The following JAKMIP1 variants were observed in gnomAD, a reference collection of about 807,000 sequenced individuals.
The protein encoded by JAKMIP1 is janus kinase and microtubule-interacting protein 1.
A neutral mutation model predicts 113.0 loss-of-function variants in JAKMIP1; 33 were observed. The observed-to-expected ratio is 0.29, with a 90% CI of 0.22 to 0.39. The LOEUF is 0.39. Among genes scored for constraint, JAKMIP1 ranks in the 10% least tolerant of loss-of-function variants. The pLI, the probability that JAKMIP1 is intolerant of heterozygous loss-of-function variation, is 1.00. For missense variants in JAKMIP1, 813 were observed against 1,080.5 expected (o/e 0.75, Z 3.47); for synonymous variants, 480 against 459.9 (o/e 1.04, Z -0.56).
chr4:6,146,209 G>C (rs78735072), intron 1 of JAKMIP1, among the ~76,000 whole-genome samples: 1 of 110,272 alleles, frequency 9.1e-6, no homozygotes, highest in Non-Finnish European at 1.8e-5. Flanking sequence ...ACAGAAAGTC[G>C]AATGATAGCT....
In JAKMIP1 at chr4:6,065,137, G is replaced by T; in HGVS notation, c.1303-129C>A. ...TTGGGCCACTGGGGCATCACAAGAT[G>T]CGGTTGGTGGGCTTCGTAACTGACT... is the stretch of plus-strand genomic sequence containing the variant. On this transcript the variant is annotated intron_variant, in intron 8 of 20. Coordinates refer to ENST00000409021, the MANE Select transcript of JAKMIP1 (RefSeq NM_001099433.2). The surrounding 1 kb of genome is among the most constrained non-coding windows in gnomAD (Gnocchi z 5.1). 8.6e-7 allele frequency: 1 copy of T among 1,161,378 alleles called. No individual in the cohort carries two copies. The highest frequency in any genetic ancestry group is 1.3e-5 in the South Asian group (1 of 75,028). The allele number at this position is 1,161,378 out of a possible 1,614,324, so 71.9% of individuals were successfully genotyped here. A position where few individuals can be genotyped will look rare whatever the true frequency, so the allele number is the denominator to read the frequency against.
rs374012001 is a variant in JAKMIP1, at chr4:6,065,028, T to C, written c.1303-20A>G. 6.8e-6 allele frequency: 11 copies of C among 1,613,998 alleles called. No individual in the cohort carries two copies. In the African/African-American group the frequency reaches 1.3e-4, roughly 20 times the overall value. On this transcript the variant is annotated intron_variant, in intron 8 of 20. Coordinates refer to ENST00000409021, the MANE Select transcript of JAKMIP1 (RefSeq NM_001099433.2). This position sits in a 1 kb window ranked among gnomAD's most constrained non-coding sequence, Gnocchi z 5.1. ...ATGCTTCTGTAAAACGCAATTTGTATGATGTTAGCAACGACTGAGGATTGC... is the reference window on the plus strand; with the variant it reads ...ATGCTTCTGTAAAACGCAATTTGTACGATGTTAGCAACGACTGAGGATTGC...
chr4:6,085,008 T>C, intron 4 of JAKMIP1, 43 bp from the exon 5 acceptor site: 6 of 1,409,274 alleles, frequency 4.3e-6, no homozygotes, highest in Non-Finnish European at 4.6e-6. Flanking sequence ...AAGACGTAAA[T>C]GTACTTTGAA....
chr4:6,081,750 T>C lies in JAKMIP1; in HGVS notation c.960A>G (p.Lys320=). ...LLADERNELL[K]RSRETEVQLK... is the part of the protein sequence containing the mutation. ...GCTGAACCTCGGTCTCTCGTGAGCGTTTCAGCTGTGGTTGGAAACAGACAC... is the reference window on the plus strand; with the variant it reads ...GCTGAACCTCGGTCTCTCGTGAGCGCTTCAGCTGTGGTTGGAAACAGACAC... The change falls in exon 6 of 21, where the codon AAA becomes AAG. Residue 320 remains lysine, a synonymous_variant. Transcript: ENST00000409021. This position sits in a 1 kb window ranked among gnomAD's most constrained non-coding sequence, Gnocchi z 4.6. 1 of 1,614,106 alleles carries C rather than the reference T, an allele frequency of 6.2e-7. No homozygotes were observed.
chr4:6,082,318 T>C (rs947539950), intron 5 of JAKMIP1, among the ~76,000 whole-genome samples: 7 of 151,864 alleles, frequency 4.6e-5, no homozygotes, highest in South Asian at 2.1e-4. Flanking sequence ...ATGGTATAGG[T>C]TGAAATATAA....
rs939055239 is a variant in JAKMIP1 at position 6,116,506 on chromosome 4, G to C, written c.-147-3509C>G. 2.6e-5 allele frequency among the ~76,000 whole-genome samples: 4 copies of C among 152,168 alleles called. No individual in the cohort carries two copies. The highest frequency in any genetic ancestry group is 4.4e-5 in the Non-Finnish European group (3 of 68,024). ...CCTTCCTGAAGGCACGGGGACCTTGGACCTGCTGACCCTGGACCTTGTCTG... is the reference window on the plus strand; with the variant it reads ...CCTTCCTGAAGGCACGGGGACCTTGCACCTGCTGACCCTGGACCTTGTCTG... On this transcript the variant is annotated intron_variant, in intron 1 of 20. Transcript: ENST00000409021. The surrounding 1 kb of genome is among the most constrained non-coding windows in gnomAD (Gnocchi z 5.1).
intron 1 of JAKMIP1, among the ~76,000 whole-genome samples, chr4:6,196,917 C>G (rs1237985066): frequency 2.0e-5 from 3 of 152,016 alleles, no homozygotes; most frequent in Non-Finnish European, 4.4e-5. Flanking sequence ...CTCATGCCAT[C>G]CCTGTTGGAA....
rs544230831 is a variant in JAKMIP1, at chr4:6,031,968, G to T, written c.2380-2187C>A. Among the ~76,000 whole-genome samples, 11 of 152,290 alleles carry T rather than the reference G, an allele frequency of 7.2e-5. No individual in the cohort carries two copies. The South Asian group carries it at 2.3e-3, about 32-fold the overall frequency. ...CTCTCCCACCCGAAGGGAACTGTGTGACCTCAGTCTGGTAGTGGCAGGAGT... is the reference window on the plus strand; with the variant it reads ...CTCTCCCACCCGAAGGGAACTGTGTTACCTCAGTCTGGTAGTGGCAGGAGT... On this transcript the variant is annotated intron_variant, in intron 19 of 20. Transcript: ENST00000409021. The surrounding 1 kb of genome is among the most constrained non-coding windows in gnomAD (Gnocchi z 4.4).
At chr4:6,189,437 AT>A (rs1036617277) in intron 1 of JAKMIP1, among the ~76,000 whole-genome samples, 1 of 152,070 alleles carries the variant, frequency 6.6e-6, no homozygotes, top group Non-Finnish European at 1.5e-5. Context: ...AACAGAGTGA[AT>A]TTTTTTTCAG....
chr4:6,049,810 C>G lies in JAKMIP1; in HGVS notation c.1962+9G>C. 1 of 1,604,442 alleles carries G rather than the reference C, an allele frequency of 6.2e-7. No homozygotes were observed. The highest frequency in any genetic ancestry group is 1.1e-5 in the South Asian group (1 of 90,806). ...AACACGAAAGCAGAAACCGATCGCT[C>G]ATAGTTACCCCGTTATCGCCAAGGA... On this transcript the variant is annotated intron_variant, in intron 15 of 20. Transcript: ENST00000409021. The surrounding 1 kb of genome is among the most constrained non-coding windows in gnomAD (Gnocchi z 7.0).
rs1192051508 is a variant in JAKMIP1 at position 6,086,345 on chromosome 4, G to A, written c.625-716C>T. On this transcript the variant is annotated intron_variant, in intron 3 of 20. Coordinates refer to ENST00000409021, the MANE Select transcript of JAKMIP1 (RefSeq NM_001099433.2). This position sits in a 1 kb window ranked among gnomAD's most constrained non-coding sequence, Gnocchi z 4.1. ...CGGTATCAACCCCACATATGCAGCA[G>A]ATCTTAAACACATGCCTCAGCCCTG... is the stretch of plus-strand genomic sequence containing the variant. Among the ~76,000 whole-genome samples the A allele has an allele frequency of 6.6e-6, 1 of 151,796 alleles. No homozygotes were observed. The highest frequency in any genetic ancestry group is 1.9e-4 in the East Asian group (1 of 5,144).
At chr4:6,148,146 G>A (rs1210543638) in intron 1 of JAKMIP1, among the ~76,000 whole-genome samples, 2 of 152,246 alleles carry the variant, frequency 1.3e-5, no homozygotes. Context: ...TTCTGAAGAT[G>A]TCCTGGGTTG....
At position 6,055,601 on chromosome 4, in the gene JAKMIP1, C is replaced by T. The variant is rs148003928; in HGVS notation, c.1707+1096G>A. Among the ~76,000 whole-genome samples, 1,422 of 152,314 alleles carry T rather than the reference C, an allele frequency of 9.3e-3. 22 individuals carry two copies. The highest frequency in any genetic ancestry group is 0.029 in the African/African-American group (1,197 of 41,568). On this transcript the variant is annotated intron_variant, in intron 12 of 20. Coordinates refer to ENST00000409021, the MANE Select transcript of JAKMIP1 (RefSeq NM_001099433.2). ...TGAAGGGCTCTGGACCATAAAGCCA[C>T]AGCAGAGGCGGCCTGGAGCCCAGTG...
chr4:6,161,466 C>T (rs1475042629), intron 1 of JAKMIP1, among the ~76,000 whole-genome samples: 3 of 152,148 alleles, frequency 2.0e-5, no homozygotes, highest in Admixed American at 6.5e-5. Context: ...GAGAGCCACA[C>T]CCGCCTGAAC....
At position 6,064,817 on chromosome 4, in the gene JAKMIP1, G is replaced by T. The variant is rs965744454; in HGVS notation, c.1431+63C>A. Reference sequence around the variant, plus strand: ...GGAGCGAAACTTGCAACTATCAAAAGCAGGAGGTGCCGCCCCGAGAGCATC... The same window carrying T: ...GGAGCGAAACTTGCAACTATCAAAATCAGGAGGTGCCGCCCCGAGAGCATC... On this transcript the variant is annotated intron_variant, in intron 9 of 20. Transcript: ENST00000409021. The surrounding 1 kb of genome is among the most constrained non-coding windows in gnomAD (Gnocchi z 4.3). 1.2e-6 allele frequency: 2 copies of T among 1,606,314 alleles called. No individual in the cohort carries two copies. The highest frequency in any genetic ancestry group is 2.7e-5 in the African/African-American group (2 of 74,624).
At chr4:6,133,331 C>T (rs1242202628) in intron 1 of JAKMIP1, among the ~76,000 whole-genome samples, 1 of 152,210 alleles carries the variant, frequency 6.6e-6, no homozygotes, top group African/African-American at 2.4e-5. Context: ...AGAAGACGTA[C>T]AACCATAAAC....
intron 12 of JAKMIP1, among the ~76,000 whole-genome samples, chr4:6,055,455 G>A (rs908031211): frequency 6.6e-6 from 1 of 152,236 alleles, no homozygotes; most frequent in Non-Finnish European, 1.5e-5. Flanking sequence ...GCTCTGGAAA[G>A]TTCCACAACC....
Position 6,188,182 on chromosome 4 carries a change from G to T in JAKMIP1, c.-148+12071C>A, listed in dbSNP as rs147881202. ...AAAAATGTCCACTACCAGCTTCCTG[G>T]GTTGGAAGATTGGAAGTCTACAGCT... On this transcript the variant is annotated intron_variant, in intron 1 of 20. Coordinates refer to ENST00000409021, the MANE Select transcript of JAKMIP1 (RefSeq NM_001099433.2). This position sits in a 1 kb window ranked among gnomAD's most constrained non-coding sequence, Gnocchi z 5.8. Among the ~76,000 whole-genome samples the T allele has an allele frequency of 6.6e-6, 1 of 152,210 alleles. No individual in the cohort carries two copies.
intron 3 of JAKMIP1, among the ~76,000 whole-genome samples, chr4:6,091,050 T>G (rs1240865706): frequency 6.6e-6 from 1 of 152,248 alleles, no homozygotes; most frequent in African/African-American, 2.4e-5. Context: ...GCATTTCTAA[T>G]CCAAGCCAGC....
Sources: gnomAD v4.1 joint callset for allele counts (sites outside exome capture counted in the v4.1 genomes callset) on GRCh38, gnomAD v4.1.1 for gene constraint, Gnocchi (gnomAD v3.1) non-coding constraint, MANE v1.5 for transcripts, NCBI Gene and HGNC (gene_info 2026-07-23, HGNC 2026-07-21) for gene names.